Variants in CLCN3 observed in about 807,000 individuals in gnomAD.
CLCN3 encodes the protein Cl-/H+ antiporter 3.
In CLCN3, 16 loss-of-function variants were observed where a neutral mutation model predicts 83.4. The observed-to-expected ratio is 0.19, with a 90% CI of 0.13 to 0.29. The LOEUF is 0.29. CLCN3 is among the 10% of genes least tolerant of loss of function. The pLI, the probability that CLCN3 is intolerant of heterozygous loss-of-function variation, is 1.00. For missense variants in CLCN3, 544 were observed against 1,006.0 expected (o/e 0.54, Z 6.21); for synonymous variants, 322 against 346.2 (o/e 0.93, Z 0.78).
At chr4:169,655,905 T>C (rs929639272) in intron 2 of CLCN3, among the ~76,000 whole-genome samples, 2 of 152,224 alleles carry the variant, frequency 1.3e-5, no homozygotes, top group Non-Finnish European at 2.9e-5. Flanking sequence ...AAACTTCTTA[T>C]GTTTATGAGG....
At chr4:169,713,400 G>T (rs79131729) in intron 12 of CLCN3, 105 bp downstream of exon 12, 1 of 826,674 alleles carries the variant, frequency 1.2e-6, no homozygotes, top group East Asian at 2.6e-5. Context: ...CTCCCAGGTG[G>T]GAAAGTCTGT....
chr4:169,707,400 G>T, intron 11 of CLCN3, 134 bp downstream of exon 11: 2 of 577,052 alleles, frequency 3.5e-6, no homozygotes. Context: ...AAAATCTTCT[G>T]TTCTTTAGGA....
At chr4:169,704,390 A>G (rs1210603413) in intron 10 of CLCN3, among the ~76,000 whole-genome samples, 1 of 152,242 alleles carries the variant, frequency 6.6e-6, no homozygotes, top group Admixed American at 6.5e-5. Context: ...TTGTTAATAC[A>G]AGAATTTAAT....
chr4:169,714,906 T>C (rs970400864), intron 12 of CLCN3, among the ~76,000 whole-genome samples: 9 of 152,260 alleles, frequency 5.9e-5, no homozygotes, highest in African/African-American at 2.2e-4. Flanking sequence ...TTTGATTAAA[T>C]GATGGCACCG....
chr4:169,703,363 A>T (rs1423897777), intron 9 of CLCN3, among the ~76,000 whole-genome samples: 2 of 152,228 alleles, frequency 1.3e-5, no homozygotes, highest in Non-Finnish European at 2.9e-5. Flanking sequence ...AACTCTGATA[A>T]GTTTGTCCAC....
rs76946702 is a variant in CLCN3, at chr4:169,659,053, G to A, written c.161-20997G>A. On this transcript the variant is annotated intron_variant, in intron 2 of 12. Coordinates refer to ENST00000513761, the MANE Select transcript of CLCN3 (RefSeq NM_001829.4). The stretch of plus-strand genomic sequence containing the variant: ...ATTTTCATGTAAACACTTTCAGTTC[G>A]AGTGGACCTTAGAGATTGTCTCATT... Among the ~76,000 whole-genome samples, 100 of 152,014 alleles carry A rather than the reference G, an allele frequency of 6.6e-4. 1 individual carries two copies. In the East Asian group the frequency reaches 9.9e-3, roughly 15 times the overall value.
At chr4:169,689,957 A>C (rs1486242589) in intron 5 of CLCN3, among the ~76,000 whole-genome samples, 1 of 152,122 alleles carries the variant, frequency 6.6e-6, no homozygotes, top group Non-Finnish European at 1.5e-5. Flanking sequence ...AGTATAGCTG[A>C]GATGTGTTGG....
intron 3 of CLCN3, among the ~76,000 whole-genome samples, chr4:169,683,031 T>C (rs1732008384): frequency 6.6e-6 from 1 of 152,236 alleles, no homozygotes; most frequent in Admixed American, 6.5e-5. Context: ...TCAGACACAC[T>C]ATAAATCCTG....
chr4:169,665,534 A>G (rs980769172), intron 2 of CLCN3, among the ~76,000 whole-genome samples: 12 of 152,030 alleles, frequency 7.9e-5, no homozygotes, highest in Non-Finnish European at 1.5e-4. Context: ...TTCCACTATC[A>G]ACTTAGAACG....
At position 169,708,833 on chromosome 4, in the gene CLCN3, T is replaced by A. The variant is rs185356539; in HGVS notation, c.2149+1567T>A. On this transcript the variant is annotated intron_variant, in intron 11 of 12. Transcript: ENST00000513761. ...TGCCAAGCCATGTCATCAGAAATGT[T>A]AGTCACATGACTTTCTAAGCACACC... Among the ~76,000 whole-genome samples the A allele has an allele frequency of 4.4e-3, 675 of 152,128 alleles. 5 individuals carry two copies. The highest frequency in any genetic ancestry group is 6.6e-3 in the Non-Finnish European group (448 of 67,986).
chr4:169,706,882 A>ACCACC lies in CLCN3; in HGVS notation c.1765_1766insCCACC (p.Met589ThrfsTer3), dbSNP rs1383632720. On this transcript the variant is annotated frameshift_variant, in exon 11 of 13. Coordinates refer to ENST00000513761, the MANE Select transcript of CLCN3 (RefSeq NM_001829.4). LOFTEE classifies it high-confidence loss of function. ...ACTTTTTTCAGGTGGTGTGACAAGAATGACTGTCTCCCTGGTGGTTATTGT... is the reference window on the plus strand; with the variant it reads ...ACTTTTTTCAGGTGGTGTGACAAGAACCACCTGACTGTCTCCCTGGTGGTTATTGT... 1 of 1,610,622 alleles carries ACCACC rather than the reference A, an allele frequency of 6.2e-7. No individual in the cohort carries two copies. The highest frequency in any genetic ancestry group is 8.5e-7 in the Non-Finnish European group (1 of 1,177,220).
intron 2 of CLCN3, among the ~76,000 whole-genome samples, chr4:169,649,630 C>T (rs1730677738): frequency 6.6e-6 from 1 of 152,096 alleles, no homozygotes; most frequent in African/African-American, 2.4e-5. Context: ...TTGGTAGTGC[C>T]ATTTATAAGG....
intron 11 of CLCN3, among the ~76,000 whole-genome samples, chr4:169,710,135 T>C (rs756257388): frequency 6.6e-6 from 1 of 152,246 alleles, no homozygotes. Context: ...ATAAAAATTG[T>C]ATGTATGTTT....
chr4:169,685,480 T>C (rs1408069546), intron 3 of CLCN3, among the ~76,000 whole-genome samples: 3 of 152,216 alleles, frequency 2.0e-5, no homozygotes, highest in African/African-American at 7.2e-5. Context: ...TCCTGTCTTT[T>C]AGCATGCTTT....
At chr4:169,625,661 G>A (rs550616973) in intron 1 of CLCN3, among the ~76,000 whole-genome samples, 17 of 152,262 alleles carry the variant, frequency 1.1e-4, no homozygotes, top group African/African-American at 3.4e-4. Context: ...ATTTGTTTCT[G>A]CCAACTGTTT....
In CLCN3 at chr4:169,720,967, A is replaced by G. The variant is rs1733621868; in HGVS notation, c.*970A>G. On this transcript the variant is annotated 3_prime_UTR_variant, in exon 13 of 13. Transcript: ENST00000513761. ...GTGCTGTTGAGCATAATTAAATAAAATGCTGCTGCTTTGACAGTAAAGAGA... is the reference window on the plus strand; with the variant it reads ...GTGCTGTTGAGCATAATTAAATAAAGTGCTGCTGCTTTGACAGTAAAGAGA... 1 of 152,690 alleles carries G rather than the reference A, an allele frequency of 6.5e-6. No individual in the cohort carries two copies. The highest frequency in any genetic ancestry group is 6.5e-5 in the Admixed American group (1 of 15,292). 9.5% of individuals were successfully genotyped at this position (152,690 alleles called of 1,614,324 possible).
At chr4:169,637,066 G>A (rs1410014452) in intron 2 of CLCN3, among the ~76,000 whole-genome samples, 1 of 152,120 alleles carries the variant, frequency 6.6e-6, no homozygotes, top group Admixed American at 6.6e-5. Context: ...CTATTCCAGT[G>A]TGGTTGCAGT....
At chr4:169,637,064 G>A (rs1730231782) in intron 2 of CLCN3, among the ~76,000 whole-genome samples, 1 of 152,114 alleles carries the variant, frequency 6.6e-6, no homozygotes, top group Non-Finnish European at 1.5e-5. Context: ...GGCTATTCCA[G>A]TGTGGTTGCA....
At chr4:169,707,387 C>T in intron 11 of CLCN3, 121 bp downstream of exon 11, 1 of 632,608 alleles carries the variant, frequency 1.6e-6, no homozygotes, top group South Asian at 3.4e-5. Flanking sequence ...TTTTATGTCC[C>T]TTAAAATCTT....
Sources: allele counts gnomAD v4.1 joint callset (sites outside exome capture counted in the v4.1 genomes callset), GRCh38; gene constraint gnomAD v4.1.1; transcripts MANE v1.5; gene names NCBI Gene and HGNC (gene_info 2026-07-23, HGNC 2026-07-21).